DNAH7: variants seen among roughly 807,000 people sequenced by gnomAD.
The protein encoded by DNAH7 is dynein axonemal heavy chain 7, also known as axonemal beta dynein heavy chain 7.
DNAH7 carries 397 observed loss-of-function variants against 444.6 expected under a neutral mutation model. The ratio of observed to expected loss-of-function variants is 0.89; its 90% CI spans 0.82 to 0.97. The LOEUF (loss-of-function observed/expected upper bound fraction) is 0.97. DNAH7 is among the 50% of genes least tolerant of loss of function. The probability of loss-of-function intolerance (pLI) is 0.00; values close to 1 mark genes in which losing one functional copy is unlikely to be tolerated. For missense variants in DNAH7, 4,902 were observed against 4,800.8 expected (o/e 1.02, Z -0.62); for synonymous variants, 1,636 against 1,624.4 (o/e 1.01, Z -0.17).
chr2:195,997,316 A>G (rs1693756989), intron 12 of DNAH7, among the ~76,000 whole-genome samples: 1 of 152,232 alleles, frequency 6.6e-6, no homozygotes, highest in South Asian at 2.1e-4. Context: ...ATCCGGACCC[A>G]TCCTGGCCAA....
intron 54 of DNAH7, 123 bp downstream of exon 54, chr2:195,806,617 T>C (rs893078163): frequency 2.1e-5 from 14 of 658,620 alleles, no homozygotes; most frequent in Non-Finnish European, 3.4e-5. Context: ...TAGAAAGAAG[T>C]GGGATTATTT....
intron 59 of DNAH7, 91 bp downstream of exon 59, chr2:195,777,709 C>T (rs1316775602): frequency 2.2e-6 from 3 of 1,341,244 alleles, no homozygotes; most frequent in Non-Finnish European, 2.1e-6. Flanking sequence ...AAAAACAAGG[C>T]CTGCAGCAAA....
At chr2:195,759,755 G>A (rs1694262148) in intron 61 of DNAH7, among the ~76,000 whole-genome samples, 1 of 152,162 alleles carries the variant, frequency 6.6e-6, no homozygotes, top group South Asian at 2.1e-4. Context: ...GGGGGGCTGA[G>A]GCAAGAGGAT....
Position 195,816,923 on chromosome 2 carries a change from A to G in DNAH7, c.9466T>C (p.Ser3156Pro). 8 of 1,607,356 alleles carry G rather than the reference A, an allele frequency of 5.0e-6. No individual in the cohort carries two copies. The highest frequency in any genetic ancestry group is 6.8e-6 in the Non-Finnish European group (8 of 1,177,066). ...TCTAATATATTGCCTTCCGAAGATG[A>G]AAGAACTTCTAAAATCTTGTCTTCT... Reference protein sequence around the residue: ...EIEDKILEVLSSSEGNILEDE... With the variant: ...EIEDKILEVLPSSEGNILEDE... Residue 3156 changes from serine (S) to proline (P), a missense_variant, in exon 51 of 65, where the codon TCA becomes CCA. Physicochemically the swap from Ser to Pro is moderately conservative, Grantham distance 74 (BLOSUM62 -1). Coordinates refer to ENST00000312428, the MANE Select transcript of DNAH7 (RefSeq NM_018897.3).
chr2:195,907,646 G>C (rs1028028925), intron 25 of DNAH7, among the ~76,000 whole-genome samples: 7 of 151,938 alleles, frequency 4.6e-5, no homozygotes, highest in African/African-American at 1.7e-4. Context: ...ATGTTATATC[G>C]AGTACACTGT....
intron 24 of DNAH7, among the ~76,000 whole-genome samples, chr2:195,917,566 A>G (rs1016324353): frequency 6.6e-5 from 10 of 152,172 alleles, no homozygotes; most frequent in Non-Finnish European, 1.5e-5. Flanking sequence ...TCTGCTTCAG[A>G]GCTTTTTAAT....
chr2:195,931,779 T>C lies in DNAH7; in HGVS notation c.3471+2812A>G, dbSNP rs559505459. Among the ~76,000 whole-genome samples, 4 of 152,358 alleles carry C rather than the reference T, an allele frequency of 2.6e-5. No homozygotes were observed. In the South Asian group the frequency reaches 8.3e-4, roughly 32 times the overall value. ...AGGGCTCTGTTCTGTTACATTGGTC[T>C]ACATCTCTGTTTTGGTAACAGTGCC... On this transcript the variant is annotated intron_variant, in intron 21 of 64. Coordinates refer to ENST00000312428, the MANE Select transcript of DNAH7 (RefSeq NM_018897.3).
intron 49 of DNAH7, among the ~76,000 whole-genome samples, chr2:195,821,438 A>C (rs1697465909): frequency 6.6e-6 from 1 of 152,216 alleles, no homozygotes; most frequent in South Asian, 2.1e-4. Flanking sequence ...GGCTGAAGAA[A>C]GAGGCTGACA....
rs1702024969 is a variant in DNAH7, at chr2:195,891,778, T to C, written c.4923A>G (p.Gln1641=). Residue 1641 remains glutamine, a synonymous_variant, in exon 31 of 65, where the codon CAA becomes CAG. Coordinates refer to ENST00000312428, the MANE Select transcript of DNAH7 (RefSeq NM_018897.3). Reference sequence around the variant, plus strand: ...CAGACTTAGGATTTAAAACAGTTATTTGAACTTTGTTTTCTTCCATTAGCC... The same window carrying C: ...CAGACTTAGGATTTAAAACAGTTATCTGAACTTTGTTTTCTTCCATTAGCC... ...EKGLMEENKV[Q]ITVLNPKSVT... is the part of the protein sequence containing the mutation. 1.3e-6 allele frequency: 2 copies of C among 1,596,422 alleles called. No homozygotes were observed. Among genetic ancestry groups the C allele is most frequent in the Non-Finnish European group, 1.7e-6 (2 of 1,174,198 alleles).
intron 1 of DNAH7, among the ~76,000 whole-genome samples, chr2:196,060,480 A>C (rs1028125136): frequency 1.3e-5 from 2 of 152,098 alleles, no homozygotes; most frequent in Admixed American, 1.3e-4. Context: ...ATTTACTTTT[A>C]TTTCTATCAC....
intron 51 of DNAH7, among the ~76,000 whole-genome samples, chr2:195,811,104 AAAG>A (rs1485249411): frequency 3.9e-5 from 6 of 152,334 alleles, no homozygotes; most frequent in Admixed American, 2.6e-4. Context: ...TTAAGGTGAA[AAAG>A]AAGATTAAAA....
At chr2:195,991,191 G>A (rs1247268607) in intron 12 of DNAH7, among the ~76,000 whole-genome samples, 1 of 151,614 alleles carries the variant, frequency 6.6e-6, no homozygotes, top group Non-Finnish European at 1.5e-5. Context: ...ACAACACAAA[G>A]CTAAACTGAC....
intron 5 of DNAH7, among the ~76,000 whole-genome samples, chr2:196,039,357 G>C (rs1696586366): frequency 6.6e-6 from 1 of 152,098 alleles, no homozygotes; most frequent in South Asian, 2.1e-4. Flanking sequence ...CAAAAGCAGT[G>C]CTAGAAGGGA....
chr2:195,862,518 G>C (rs1559157075), intron 41 of DNAH7, among the ~76,000 whole-genome samples: 1 of 152,028 alleles, frequency 6.6e-6, no homozygotes, highest in East Asian at 1.9e-4. Flanking sequence ...AGACTTCCTA[G>C]AATTCTTAAA....
intron 24 of DNAH7, among the ~76,000 whole-genome samples, chr2:195,910,487 C>T (rs895390356): frequency 5.9e-5 from 9 of 151,946 alleles, no homozygotes; most frequent in Admixed American, 2.6e-4. Flanking sequence ...TCCCCTAATT[C>T]GCCAACTGTA....
At chr2:195,754,762 C>T (rs1693990341) in intron 62 of DNAH7, among the ~76,000 whole-genome samples, 1 of 152,154 alleles carries the variant, frequency 6.6e-6, no homozygotes, top group African/African-American at 2.4e-5. Flanking sequence ...GTATGCCTTC[C>T]TCAGCCTCCC....
intron 10 of DNAH7, among the ~76,000 whole-genome samples, chr2:196,009,453 A>T (rs920524232): frequency 2.5e-4 from 38 of 152,214 alleles, no homozygotes; most frequent in Admixed American, 2.2e-3. Flanking sequence ...GAACAAAAAA[A>T]GTCCCAAGGT....
chr2:195,817,038 G>C (rs1697256575), intron 50 of DNAH7, 75 bp from the exon 51 acceptor site: 1 of 1,105,374 alleles, frequency 9.0e-7, no homozygotes, highest in South Asian at 1.7e-5. Context: ...TCTTTTATAA[G>C]AAACAAAGAA....
intron 36 of DNAH7, among the ~76,000 whole-genome samples, chr2:195,881,387 A>G (rs967903948): frequency 3.9e-5 from 6 of 152,240 alleles, no homozygotes; most frequent in Non-Finnish European, 8.8e-5. Context: ...ACTAACAGCC[A>G]ATTCCAGACA....
Sources: allele counts gnomAD v4.1 joint callset (sites outside exome capture counted in the v4.1 genomes callset), GRCh38; gene constraint gnomAD v4.1.1; transcripts MANE v1.5; gene names NCBI Gene and HGNC (gene_info 2026-07-23, HGNC 2026-07-21).